Variants in SLC17A3 observed in about 807,000 individuals in gnomAD.
SLC17A3 encodes sodium-dependent phosphate transport protein 4.
In SLC17A3, 61 loss-of-function variants were observed where a neutral mutation model predicts 60.3. The ratio of observed to expected loss-of-function variants is 1.01; its 90% CI spans 0.82 to 1.25. The LOEUF (loss-of-function observed/expected upper bound fraction) is 1.25. SLC17A3 is among the 50% of genes most tolerant of loss of function. The probability of loss-of-function intolerance (pLI) is 0.00; values close to 1 mark genes in which losing one functional copy is unlikely to be tolerated. For missense variants in SLC17A3, 624 were observed against 594.9 expected, an observed-to-expected ratio of 1.05 and a Z score of -0.51; for synonymous variants, 192 against 208.9, an observed-to-expected ratio of 0.92 and a Z score of 0.70.
At chr6:25,853,249 GTTAT>G in intron 6 of SLC17A3, among the ~76,000 whole-genome samples, 1 of 150,798 alleles carries the variant, frequency 6.6e-6, no homozygotes, top group Non-Finnish European at 1.5e-5. Context: ...CTTGATATTG[GTTAT>G]TTTTCTTTCC....
At chr6:25,853,404 A>ATTTTTTTTTTTTTTTTTTTTTTTTTT (rs1266526773) in intron 6 of SLC17A3, among the ~76,000 whole-genome samples, 1 of 102,560 alleles carries the variant, frequency 9.8e-6, no homozygotes, top group African/African-American at 3.5e-5. Context: ...TAATTTCTGC[A>ATTTTTTTTTTTTTTTTTTTTTTTTTT]TGTTTTTTTT....
chr6:25,846,888 G>A (rs1310790637), intron 11 of SLC17A3, among the ~76,000 whole-genome samples: 1 of 152,158 alleles, frequency 6.6e-6, no homozygotes, highest in Non-Finnish European at 1.5e-5. Context: ...GGGTTTACAA[G>A]TGTGAGCCCA....
At chr6:25,845,934 G>A (rs1197048425) in intron 11 of SLC17A3, among the ~76,000 whole-genome samples, 3 of 152,082 alleles carry the variant, frequency 2.0e-5, no homozygotes, top group Non-Finnish European at 2.9e-5. Flanking sequence ...TATGCTAACA[G>A]ATTTTCAGCT....
At chr6:25,873,403 G>A (rs1280447762) in intron 1 of SLC17A3, among the ~76,000 whole-genome samples, 4 of 152,104 alleles carry the variant, frequency 2.6e-5, no homozygotes, top group African/African-American at 9.7e-5. Context: ...TCAGCTTTCA[G>A]TAGAGATGGT....
chr6:25,871,045 T>A (rs1430563794), intron 1 of SLC17A3, among the ~76,000 whole-genome samples: 1 of 152,098 alleles, frequency 6.6e-6, no homozygotes, highest in Non-Finnish European at 1.5e-5. Flanking sequence ...TTGGTGGGAC[T>A]GTAAACTAGT....
chr6:25,857,509 T>C (rs1214936001), intron 5 of SLC17A3, among the ~76,000 whole-genome samples: 1 of 151,628 alleles, frequency 6.6e-6, no homozygotes, highest in East Asian at 1.9e-4. Context: ...TATAATGACC[T>C]CTACGTTTAC....
chr6:25,849,711 G>T lies in SLC17A3; in HGVS notation c.1271+94C>A, dbSNP rs1765238419. On this transcript the variant is annotated intron_variant, in intron 10 of 12. Coordinates refer to ENST00000397060, the MANE Select transcript of SLC17A3 (RefSeq NM_001098486.2). ...GTCTATCTGTGGTTCTTCCCCTATG[G>T]TTTATTCATTTCCTAAGTTTGGGGA... The T allele has an allele frequency of 3.5e-6, 5 of 1,417,542 alleles. No individual in the cohort carries two copies. In the East Asian group the frequency reaches 6.9e-5, roughly 19 times the overall value. 87.8% of individuals were successfully genotyped at this position (1,417,542 alleles called of 1,614,324 possible).
chr6:25,853,700 G>A (rs952910003), intron 6 of SLC17A3, among the ~76,000 whole-genome samples: 2 of 152,038 alleles, frequency 1.3e-5, no homozygotes, highest in South Asian at 4.1e-4. Context: ...TTACAGGCGT[G>A]AGCCACCGCA....
intron 5 of SLC17A3, among the ~76,000 whole-genome samples, chr6:25,860,084 T>C (rs1469377460): frequency 6.6e-6 from 1 of 152,210 alleles, no homozygotes; most frequent in Non-Finnish European, 1.5e-5. Flanking sequence ...TGTTGTTTCA[T>C]GCAGCTACAG....
rs1765522279 is a variant in SLC17A3 at position 25,865,701 on chromosome 6, C to T, written c.91+2596G>A. Among the ~76,000 whole-genome samples, 3 of 151,898 alleles carry T rather than the reference C, an allele frequency of 2.0e-5. No individual in the cohort carries two copies. The East Asian group carries it at 5.8e-4, about 29-fold the overall frequency. On this transcript the variant is annotated intron_variant, in intron 2 of 12. Transcript: ENST00000397060. ...GTTTCCTACAGCCCACTATTTGTGT[C>T]CTTAAAAGTTATTTGTGTCCTGTGT...
intron 3 of SLC17A3, 42 bp from the exon 4 acceptor site, chr6:25,862,071 AG>A (rs1384181801): frequency 2.0e-6 from 3 of 1,498,398 alleles, no homozygotes; most frequent in Non-Finnish European, 2.7e-6. Context: ...TTACACAAAA[AG>A]GTTCTTACAT....
intron 11 of SLC17A3, among the ~76,000 whole-genome samples, 186 bp from the exon 12 acceptor site, chr6:25,845,702 TG>T (rs1765163796): frequency 6.6e-6 from 1 of 152,218 alleles, no homozygotes; most frequent in African/African-American, 2.4e-5. Context: ...AAAGGGTATT[TG>T]GGGAACTTTG....
At chr6:25,851,256 G>A (rs1301128363) in intron 6 of SLC17A3, among the ~76,000 whole-genome samples, 1 of 127,284 alleles carries the variant, frequency 7.9e-6, no homozygotes, top group South Asian at 2.5e-4. Flanking sequence ...TTTTTTTTTT[G>A]GTTTTTTATT....
chr6:25,858,567 T>C (rs1271500013), intron 5 of SLC17A3, among the ~76,000 whole-genome samples: 1 of 152,184 alleles, frequency 6.6e-6, no homozygotes, highest in Non-Finnish European at 1.5e-5. Context: ...GTCTAAGTCC[T>C]GAATGCTGGA....
At chr6:25,874,054 T>G (rs1402719665) in intron 1 of SLC17A3, 113 bp downstream of exon 1, 1 of 152,128 alleles carries the variant, frequency 6.6e-6, no homozygotes, top group Non-Finnish European at 1.5e-5. Context: ...TTTTTCATTT[T>G]TATTTTTATC....
Position 25,850,768 on chromosome 6 carries a change from C to T in SLC17A3, c.822G>A (p.Leu274=). 1 of 1,613,242 alleles carries T rather than the reference C, an allele frequency of 6.2e-7. No individual in the cohort carries two copies. The highest frequency in any genetic ancestry group is 8.5e-7 in the Non-Finnish European group (1 of 1,179,202). The change falls in exon 7 of 13, where the codon TTG becomes TTA. Residue 274 remains leucine, a synonymous_variant. Coordinates refer to ENST00000397060, the MANE Select transcript of SLC17A3 (RefSeq NM_001098486.2). The stretch of plus-strand genomic sequence containing the variant: ...GTGTCTTTATATGTACCTGTTGTTT[C>T]AAGGAGGATATGATGTATTCTTTTT... ...TSEKEYIISS[L]KQQVGSSKQP... is the part of the protein sequence containing the mutation.
intron 1 of SLC17A3, among the ~76,000 whole-genome samples, chr6:25,871,049 A>G (rs1765632305): frequency 6.6e-6 from 1 of 152,010 alleles, no homozygotes. Context: ...TGGGACTGTA[A>G]ACTAGTTCAA....
chr6:25,858,258 C>A (rs1033346540), intron 5 of SLC17A3, among the ~76,000 whole-genome samples: 22 of 152,190 alleles, frequency 1.4e-4, no homozygotes, highest in Non-Finnish European at 1.5e-5. Flanking sequence ...CTCTTCAAGG[C>A]AAAACTTCCC....
intron 1 of SLC17A3, among the ~76,000 whole-genome samples, chr6:25,872,591 T>A (rs923846044): frequency 6.8e-6 from 1 of 147,596 alleles, no homozygotes; most frequent in African/African-American, 2.5e-5. Flanking sequence ...TACATATATA[T>A]ATATTTATAT....
Sources: gnomAD v4.1 joint callset for allele counts (sites outside exome capture counted in the v4.1 genomes callset) on GRCh38, gnomAD v4.1.1 for gene constraint, MANE v1.5 for transcripts, NCBI Gene and HGNC (gene_info 2026-07-23, HGNC 2026-07-21) for gene names.